FYB1: variants seen among roughly 807,000 people sequenced by gnomAD.
The protein encoded by FYB1 is FYN-binding protein 1.
A neutral mutation model predicts 94.1 loss-of-function variants in FYB1; 41 were observed. The ratio of observed to expected loss-of-function variants is 0.44; its 90% CI spans 0.34 to 0.57. FYB1 has a LOEUF of 0.57. FYB1 is among the 20% of genes least tolerant of loss of function. The pLI, the probability that FYB1 is intolerant of heterozygous loss-of-function variation, is 0.02. For missense variants in FYB1, 1,050 were observed against 976.8 expected (o/e 1.07, Z -1.00); for synonymous variants, 367 against 353.2 (o/e 1.04, Z -0.44).
chr5:39,188,540 CTTT>C (rs35086739), intron 2 of FYB1, among the ~76,000 whole-genome samples: 770 of 69,586 alleles, frequency 0.011, 11 homozygotes, highest in East Asian at 0.11. Flanking sequence ...AACTACAGCA[CTTT>C]TTTTTTTTTT....
upstream of FYB1, among the ~76,000 whole-genome samples, chr5:39,221,561 C>T (rs976450120): frequency 4.6e-5 from 7 of 152,178 alleles, no homozygotes; most frequent in Admixed American, 1.3e-4. Flanking sequence ...GTAATTCCTT[C>T]TGCATGGGGG....
intron 2 of FYB1, among the ~76,000 whole-genome samples, chr5:39,190,482 T>C (rs542307326): frequency 1.3e-5 from 2 of 152,142 alleles, no homozygotes; most frequent in Admixed American, 1.3e-4. Flanking sequence ...GGTACAGACC[T>C]AGTGGGAGAA....
intron 1 of FYB1, among the ~76,000 whole-genome samples, chr5:39,209,329 G>GT (rs5867446): frequency 0.012 from 1,676 of 135,686 alleles, 31 homozygotes; most frequent in African/African-American, 0.039. Context: ...GTTTAAATAT[G>GT]TTTTTTTTTT....
At chr5:39,128,475 G>C (rs1740886415) in intron 10 of FYB1, among the ~76,000 whole-genome samples, 1 of 152,046 alleles carries the variant, frequency 6.6e-6, no homozygotes, top group African/African-American at 2.4e-5. Flanking sequence ...CCCTTATTTT[G>C]TTGCTGGGAA....
chr5:39,175,400 T>C (rs1444153852), intron 2 of FYB1, among the ~76,000 whole-genome samples: 1 of 152,172 alleles, frequency 6.6e-6, no homozygotes, highest in African/African-American at 2.4e-5. Flanking sequence ...CACCATTCTA[T>C]CAAGAAAGTG....
intron 2 of FYB1, among the ~76,000 whole-genome samples, chr5:39,195,598 C>T (rs752944676): frequency 6.6e-5 from 10 of 152,224 alleles, no homozygotes; most frequent in Non-Finnish European, 1.0e-4. Flanking sequence ...CCTCGCCTTA[C>T]ACCTGTTGCT....
intron 2 of FYB1, among the ~76,000 whole-genome samples, chr5:39,165,559 A>G (rs1170834992): frequency 1.3e-5 from 2 of 152,200 alleles, no homozygotes; most frequent in East Asian, 1.9e-4. Context: ...CCTAGGAAAA[A>G]CTTATGGTCA....
intron 1 of FYB1, among the ~76,000 whole-genome samples, chr5:39,271,478 C>CATG (rs1372492270): frequency 6.6e-6 from 1 of 152,164 alleles, no homozygotes; most frequent in Non-Finnish European, 1.5e-5. Flanking sequence ...AGAGGAAAGG[C>CATG]ATGATTCCTT....
intron 2 of FYB1, among the ~76,000 whole-genome samples, chr5:39,161,017 G>T (rs1293143757): frequency 6.6e-6 from 1 of 152,198 alleles, no homozygotes; most frequent in Non-Finnish European, 1.5e-5. Flanking sequence ...GTGTGGTGTG[G>T]CTGTCCTGTG....
At chr5:39,224,403 C>T (rs576217924), upstream of FYB1, among the ~76,000 whole-genome samples, 154 of 152,246 alleles carry the variant, frequency 1.0e-3, no homozygotes, top group African/African-American at 3.6e-3. Flanking sequence ...GGAGTGGCCT[C>T]CCAAGCTTCG....
chr5:39,137,997 T>A (rs570847531), intron 6 of FYB1: 8 of 421,030 alleles, frequency 1.9e-5, no homozygotes, highest in African/African-American at 1.2e-4. Context: ...TCTTGCTGTA[T>A]GTTCGCATAA....
intron 16 of FYB1, among the ~76,000 whole-genome samples, chr5:39,115,244 G>A (rs1162450248): frequency 6.6e-6 from 1 of 151,916 alleles, no homozygotes; most frequent in Non-Finnish European, 1.5e-5. Flanking sequence ...ACAGGCATGT[G>A]CCAACATACC....
chr5:39,205,496 C>A (rs1748761186), intron 1 of FYB1, among the ~76,000 whole-genome samples: 1 of 152,110 alleles, frequency 6.6e-6, no homozygotes, highest in Non-Finnish European at 1.5e-5. Context: ...TTCTGTAGTC[C>A]CTTCTCTCGC....
intron 1 of FYB1, among the ~76,000 whole-genome samples, chr5:39,233,859 A>G (rs895943392): frequency 4.6e-5 from 7 of 152,112 alleles, no homozygotes; most frequent in Admixed American, 4.6e-4. Flanking sequence ...TCCACTGAGA[A>G]CTCAGGAGAA....
At chr5:39,222,388 G>C (rs1260721232), upstream of FYB1, among the ~76,000 whole-genome samples, 2 of 152,138 alleles carry the variant, frequency 1.3e-5, no homozygotes, top group Non-Finnish European at 2.9e-5. Context: ...ATGTATTAGA[G>C]GCCAAGGGCA....
intron 1 of FYB1, among the ~76,000 whole-genome samples, chr5:39,235,295 T>G (rs1750911990): frequency 6.6e-6 from 1 of 150,818 alleles, no homozygotes; most frequent in Admixed American, 6.6e-5. Context: ...TTTTTCACAG[T>G]CAGTGCAGGA....
intron 1 of FYB1, among the ~76,000 whole-genome samples, chr5:39,229,540 T>A (rs998490194): frequency 2.0e-5 from 3 of 152,210 alleles, no homozygotes; most frequent in Non-Finnish European, 4.4e-5. Flanking sequence ...TATTCACTTT[T>A]GACATTTATG....
chr5:39,142,297 C>CTA (rs1742263207), intron 3 of FYB1, among the ~76,000 whole-genome samples: 1 of 152,128 alleles, frequency 6.6e-6, no homozygotes. Context: ...CTCCACTCCC[C>CTA]TATAATCAGA....
At position 39,271,863 on chromosome 5, in the gene FYB1, GAATA is replaced by G. The variant is rs144086157; in HGVS notation, c.-28+2536_-28+2539del. ...TACACATAATACATGCTTAATGAAT[GAATA>G]GAGGAGGAAGAGCAAAGCAAGAGCG... On this transcript the variant is annotated intron_variant, in intron 1 of 1. Coordinates refer to the FYB1 transcript ENST00000510188. Among the ~76,000 whole-genome samples the G allele has an allele frequency of 8.8e-3, 1,338 of 152,278 alleles. 24 individuals are homozygous for G. The highest frequency in any genetic ancestry group is 0.031 in the African/African-American group (1,272 of 41,556).
Sources: allele counts gnomAD v4.1 joint callset (sites outside exome capture counted in the v4.1 genomes callset), GRCh38; gene constraint gnomAD v4.1.1; transcripts MANE v1.5; gene names NCBI Gene and HGNC (gene_info 2026-07-23, HGNC 2026-07-21).